Variants in CFAP20DC observed in about 807,000 individuals in gnomAD.
The protein encoded by CFAP20DC is protein CFAP20DC.
Under a neutral mutation model 101.7 loss-of-function variants are expected in CFAP20DC, and 84 were observed. That is an observed-to-expected ratio of 0.83 (90% CI 0.69 to 0.99). The LOEUF is 0.99. Among genes scored for constraint, CFAP20DC ranks in the 50% least tolerant of loss-of-function variants. CFAP20DC has a pLI of 0.00. For missense variants in CFAP20DC, 1,007 were observed against 970.3 expected (o/e 1.04, Z -0.50); for synonymous variants, 359 against 351.2 (o/e 1.02, Z -0.25).
intron 16 of CFAP20DC, among the ~76,000 whole-genome samples, chr3:58,745,849 G>C (rs1336198032): frequency 4.6e-5 from 7 of 152,066 alleles, no homozygotes; most frequent in African/African-American, 1.7e-4. Flanking sequence ...CACAGCTGTG[G>C]GATATTGGGA....
At position 58,859,732 on chromosome 3, in the gene CFAP20DC, C is replaced by T. The variant is rs58332273; in HGVS notation, c.1593+3826G>A. On this transcript the variant is annotated intron_variant, in intron 12 of 16. Coordinates refer to ENST00000482387, the MANE Select transcript of CFAP20DC (RefSeq NM_001394063.1). The surrounding 1 kb of genome is among the most constrained non-coding windows in gnomAD (Gnocchi z 4.1). Reference sequence around the variant, plus strand: ...AATACATAGGAATAAAAATGCAAGGCAGTATATTCAAAATAGAGTCTTTTC... The same window carrying T: ...AATACATAGGAATAAAAATGCAAGGTAGTATATTCAAAATAGAGTCTTTTC... 0.061 allele frequency among the ~76,000 whole-genome samples: 9,324 copies of T among 152,166 alleles called. 541 individuals are homozygous for T. The highest frequency in any genetic ancestry group is 0.16 in the African/African-American group (6,483 of 41,488).
chr3:58,811,885 A>G (rs2074669211), intron 14 of CFAP20DC, among the ~76,000 whole-genome samples: 1 of 152,190 alleles, frequency 6.6e-6, no homozygotes, highest in African/African-American at 2.4e-5. Context: ...CCCATCAAAA[A>G]GTGGGCGAAG....
At position 58,732,292 on chromosome 3, in the gene CFAP20DC, T is replaced by C. The variant is rs1401581735; in HGVS notation, c.198-14664A>G. Among the ~76,000 whole-genome samples, 2 of 152,194 alleles carry C rather than the reference T, an allele frequency of 1.3e-5. No homozygotes were observed. The highest frequency in any genetic ancestry group is 2.9e-5 in the Non-Finnish European group (2 of 68,028). Reference sequence around the variant, plus strand: ...ATGGTATTTGTCAAATTCAGCTCAGTAGAAATGCCACAGGAATAACACAAA... The same window carrying C: ...ATGGTATTTGTCAAATTCAGCTCAGCAGAAATGCCACAGGAATAACACAAA... On this transcript the variant is annotated intron_variant, in intron 3 of 3. Coordinates refer to the CFAP20DC transcript ENST00000486145. The surrounding 1 kb of genome is among the most constrained non-coding windows in gnomAD (Gnocchi z 5.4).
chr3:58,790,967 G>C (rs896500729), intron 15 of CFAP20DC, among the ~76,000 whole-genome samples: 6 of 152,080 alleles, frequency 3.9e-5, no homozygotes, highest in African/African-American at 1.4e-4. Flanking sequence ...TATTGTTCTG[G>C]AAACAGAACT....
intron 4 of CFAP20DC, among the ~76,000 whole-genome samples, chr3:58,965,555 T>C (rs1045391039): frequency 4.6e-5 from 7 of 152,152 alleles, no homozygotes; most frequent in Non-Finnish European, 7.3e-5. Flanking sequence ...TCTGGGACAA[T>C]TTACTTATCC....
intron 4 of CFAP20DC, among the ~76,000 whole-genome samples, chr3:59,028,991 A>T (rs567926198): frequency 6.6e-6 from 1 of 152,294 alleles, no homozygotes; most frequent in African/African-American, 2.4e-5. Flanking sequence ...CCCAGCCTAT[A>T]ATCTTAGTTC....
Position 58,913,797 on chromosome 3 carries a change from G to A in CFAP20DC, c.461C>T (p.Ser154Leu). 1 of 1,613,634 alleles carries A rather than the reference G, an allele frequency of 6.2e-7. No homozygotes were observed. The highest frequency in any genetic ancestry group is 8.5e-7 in the Non-Finnish European group (1 of 1,179,752). The change falls in exon 6 of 17, where the codon TCA (serine) becomes TTA (leucine). Residue 154 changes from serine to leucine, a missense_variant. By Grantham distance (145) the Ser-to-Leu change is moderately radical. Coordinates refer to ENST00000482387, the MANE Select transcript of CFAP20DC (RefSeq NM_001394063.1). The surrounding 1 kb of genome is among the most constrained non-coding windows in gnomAD (Gnocchi z 4.4). ...SEIFKGAVFQ[S>L]LDGIVVSANC... ...AGCTGAGACAACAATTCCATCCAAT[G>A]ACTGGAAAACTGCCCCCTTGAATAT...
At chr3:58,718,206 G>C (rs1232229379) in intron 3 of CFAP20DC, among the ~76,000 whole-genome samples, 1 of 152,190 alleles carries the variant, frequency 6.6e-6, no homozygotes, top group Non-Finnish European at 1.5e-5. Context: ...ACTGCACCCA[G>C]ATGGCAAGGA....
chr3:58,958,857 C>T (rs2090887156), intron 4 of CFAP20DC, among the ~76,000 whole-genome samples: 1 of 151,882 alleles, frequency 6.6e-6, no homozygotes, highest in South Asian at 2.1e-4. Flanking sequence ...ATTTTGTGTA[C>T]AAGAACTTTA....
intron 14 of CFAP20DC, among the ~76,000 whole-genome samples, chr3:58,816,529 C>T (rs531870811): frequency 1.5e-3 from 227 of 152,222 alleles, no homozygotes; most frequent in African/African-American, 4.7e-3. Flanking sequence ...AAAGGGGTGA[C>T]GGACGCATCT....
intron 14 of CFAP20DC, among the ~76,000 whole-genome samples, chr3:58,817,944 G>A (rs773706070): frequency 0.019 from 2,926 of 150,306 alleles, 54 homozygotes; most frequent in South Asian, 0.029. Context: ...CGGATCTCTC[G>A]GCAGAAACTC....
intron 15 of CFAP20DC, among the ~76,000 whole-genome samples, chr3:58,782,328 A>G (rs1051019041): frequency 2.0e-5 from 3 of 152,114 alleles, no homozygotes; most frequent in African/African-American, 7.2e-5. Flanking sequence ...CTAACATCAT[A>G]CTGAATAGGG....
In CFAP20DC at chr3:59,002,701, G is replaced by A. The variant is rs1477498694; in HGVS notation, c.278+36856C>T. The stretch of plus-strand genomic sequence containing the variant: ...TCAATGTTCTCAGACTTATCAATGA[G>A]GATTGGTTCTATTTTTCTTCAACTT... On this transcript the variant is annotated intron_variant, in intron 4 of 16. Transcript: ENST00000482387. The surrounding 1 kb of genome is among the most constrained non-coding windows in gnomAD (Gnocchi z 4.5). Among the ~76,000 whole-genome samples, 1 of 152,074 alleles carries A rather than the reference G, an allele frequency of 6.6e-6. No individual in the cohort carries two copies. The highest frequency in any genetic ancestry group is 1.5e-5 in the Non-Finnish European group (1 of 68,014).
At chr3:58,955,788 G>A (rs2090571861) in intron 4 of CFAP20DC, among the ~76,000 whole-genome samples, 1 of 151,554 alleles carries the variant, frequency 6.6e-6, no homozygotes, top group Admixed American at 6.6e-5. Flanking sequence ...ACAGTTTGTA[G>A]CTCCTTTTCT....
intron 7 of CFAP20DC, among the ~76,000 whole-genome samples, chr3:58,879,169 A>G (rs912117167): frequency 1.3e-5 from 2 of 152,230 alleles, no homozygotes; most frequent in African/African-American, 4.8e-5. Context: ...ATATTTCAAA[A>G]CAGCTAGAAG....
intron 14 of CFAP20DC, among the ~76,000 whole-genome samples, chr3:58,815,062 C>T (rs1300803584): frequency 2.0e-5 from 3 of 151,464 alleles, no homozygotes; most frequent in Non-Finnish European, 4.4e-5. Flanking sequence ...CAATCCTAAG[C>T]CAAAAGAACA....
chr3:58,966,873 T>TTAA (rs1471955451), intron 4 of CFAP20DC, among the ~76,000 whole-genome samples: 1 of 152,134 alleles, frequency 6.6e-6, no homozygotes, highest in East Asian at 1.9e-4. Context: ...ATATGCCATG[T>TTAA]TAATGGACTG....
intron 4 of CFAP20DC, among the ~76,000 whole-genome samples, chr3:58,982,470 T>C (rs576501259): frequency 1.6e-4 from 24 of 151,890 alleles, no homozygotes; most frequent in Non-Finnish European, 2.9e-4. Context: ...TGTCCAACAA[T>C]GATAGACTGG....
chr3:58,935,328 T>C (rs369111656), intron 5 of CFAP20DC, among the ~76,000 whole-genome samples: 39 of 151,876 alleles, frequency 2.6e-4, no homozygotes, highest in East Asian at 1.5e-3. Flanking sequence ...GAATCAATAT[T>C]GTGAAAATGG....
Sources: allele counts gnomAD v4.1 joint callset (sites outside exome capture counted in the v4.1 genomes callset), GRCh38; gene constraint gnomAD v4.1.1; non-coding constraint Gnocchi (gnomAD v3.1); transcripts MANE v1.5; gene names NCBI Gene and HGNC (gene_info 2026-07-23, HGNC 2026-07-21).